Variants in MRPS6 observed in about 807,000 individuals in gnomAD.
MRPS6 encodes small ribosomal subunit protein bS6m.
Under a neutral mutation model 13.1 loss-of-function variants are expected in MRPS6, and 6 were observed. The ratio of observed to expected loss-of-function variants is 0.46; its 90% CI spans 0.25 to 0.91. MRPS6 has a LOEUF of 0.91. Among genes scored for constraint, MRPS6 ranks in the 40% least tolerant of loss-of-function variants. The pLI, the probability that MRPS6 is intolerant of heterozygous loss-of-function variation, is 0.18. For synonymous variants in MRPS6, 61 were observed against 56.5 expected (o/e 1.08, Z -0.36); for missense variants, 164 against 155.6 (o/e 1.05, Z -0.29).
At chr21:34,121,065 T>C (rs1226897587) in intron 1 of MRPS6, among the ~76,000 whole-genome samples, 8 of 152,192 alleles carry the variant, frequency 5.3e-5, no homozygotes, top group Admixed American at 1.3e-4. Context: ...AATACAGTCA[T>C]GTACAAGATA....
rs746747547 is a variant in MRPS6 at position 34,125,433 on chromosome 21, G to A, written c.138G>A (p.Ala46=). 9 of 1,613,980 alleles carry A rather than the reference G, an allele frequency of 5.6e-6. No homozygotes were observed. The highest frequency in any genetic ancestry group is 5.3e-5 in the African/African-American group (4 of 74,924). Residue 46 remains alanine, a synonymous_variant, in exon 2 of 3, where the codon GCG becomes GCA. Transcript: ENST00000399312. ...ACTTGGAAAACCTGGGTGAACGAGC[G>A]CTTCCTTATAGGATCTCTGCCCACA... ...VRDLENLGER[A]LPYRISAHSQ...
chr21:34,107,992 C>T (rs1230153978), intron 1 of MRPS6, among the ~76,000 whole-genome samples: 1 of 152,168 alleles, frequency 6.6e-6, no homozygotes, highest in Non-Finnish European at 1.5e-5. Context: ...CATACAGTCA[C>T]ATGTCTTATA....
intron 1 of MRPS6, chr21:34,104,765 A>G (rs978844850): frequency 1.1e-5 from 11 of 1,000,214 alleles, no homozygotes; most frequent in Non-Finnish European, 1.3e-5. Flanking sequence ...TGGCTTAGCA[A>G]CATGTGATAA....
chr21:34,082,996 C>A (rs574057192), intron 1 of MRPS6, among the ~76,000 whole-genome samples: 2 of 152,272 alleles, frequency 1.3e-5, no homozygotes, highest in Non-Finnish European at 2.9e-5. Context: ...GCAAAACTTT[C>A]TTTATTGGAG....
At chr21:34,128,997 C>T (rs7276927) in intron 2 of MRPS6, among the ~76,000 whole-genome samples, 10,975 of 152,116 alleles carry the variant, frequency 0.072, 1,330 homozygotes, top group African/African-American at 0.25. Flanking sequence ...TTCAGGTCCC[C>T]GAGATTACCT....
intron 1 of MRPS6, chr21:34,095,872 C>T (rs1978943354): frequency 6.2e-7 from 1 of 1,613,986 alleles, no homozygotes; most frequent in African/African-American, 1.3e-5. Context: ...CCCGATGTCA[C>T]TTCCATCTTA....
intron 2 of MRPS6, among the ~76,000 whole-genome samples, chr21:34,131,862 T>C (rs1468756174): frequency 6.6e-6 from 1 of 152,202 alleles, no homozygotes; most frequent in Admixed American, 6.5e-5. Flanking sequence ...ATGCAGCAGC[T>C]CGTACAGCCT....
At chr21:34,128,392 C>T (rs74391258) in intron 2 of MRPS6, among the ~76,000 whole-genome samples, 8 of 152,064 alleles carry the variant, frequency 5.3e-5, no homozygotes, top group African/African-American at 1.7e-4. Context: ...CGCCTTATCA[C>T]GTACATGCCC....
At chr21:34,105,845 A>G in intron 1 of MRPS6, 1 of 995,478 alleles carries the variant, frequency 1.0e-6, no homozygotes, top group Non-Finnish European at 1.2e-6. Flanking sequence ...TTATTTCTAT[A>G]TTGAAAGGAG....
chr21:34,129,578 G>A (rs977719695), intron 2 of MRPS6, among the ~76,000 whole-genome samples: 14 of 152,082 alleles, frequency 9.2e-5, no homozygotes, highest in African/African-American at 1.9e-4. Context: ...TTCTATTTAC[G>A]GGTAAGCAGA....
intron 1 of MRPS6, chr21:34,105,912 A>G (rs965105502): frequency 2.0e-6 from 2 of 986,146 alleles, no homozygotes; most frequent in African/African-American, 1.8e-5. Context: ...TAACTTGTCT[A>G]TTCTAACCTA....
intron 1 of MRPS6, 66 bp downstream of exon 1, chr21:34,073,811 C>G: frequency 1.6e-6 from 2 of 1,238,108 alleles, no homozygotes; most frequent in South Asian, 2.9e-5. Context: ...AGGCCGCCGT[C>G]CCCCGCGCGC....
At chr21:34,106,008 A>G (rs1979461373) in intron 1 of MRPS6, 5 of 994,776 alleles carry the variant, frequency 5.0e-6, no homozygotes, top group Non-Finnish European at 6.1e-6. Flanking sequence ...TTAAAAAATG[A>G]AAAAAGCATA....
chr21:34,098,526 T>G, intron 1 of MRPS6: 1 of 1,000,304 alleles, frequency 1.0e-6, no homozygotes, highest in Non-Finnish European at 1.2e-6. Context: ...TTGTAGTGAC[T>G]TAGAGCATAA....
chr21:34,119,956 A>G (rs2030205109), intron 1 of MRPS6, among the ~76,000 whole-genome samples: 1 of 152,214 alleles, frequency 6.6e-6, no homozygotes, highest in East Asian at 1.9e-4. Context: ...AACTTTTCCC[A>G]TTAGCATCTC....
At chr21:34,076,916 A>T (rs1989345039) in intron 1 of MRPS6, among the ~76,000 whole-genome samples, 1 of 152,244 alleles carries the variant, frequency 6.6e-6, no homozygotes, top group South Asian at 2.1e-4. Flanking sequence ...CAAAGGCTGT[A>T]ATGTGAAAGG....
In MRPS6 at chr21:34,141,770, A is replaced by G. The variant is rs1292287821; in HGVS notation, c.186-638A>G. 2.6e-5 allele frequency among the ~76,000 whole-genome samples: 4 copies of G among 152,176 alleles called. No homozygotes were observed. In the South Asian group the frequency reaches 8.3e-4, roughly 31 times the overall value. On this transcript the variant is annotated intron_variant, in intron 2 of 2. Coordinates refer to ENST00000399312, the MANE Select transcript of MRPS6 (RefSeq NM_032476.4). ...CCAGCAGGCTGCTGAGGACCTTGTC[A>G]ATCTTTGAAGACCAGTGAGCCGTGC...
rs565907973 is a variant in MRPS6, at chr21:34,117,969, G to A, written c.46-7372G>A. On this transcript the variant is annotated intron_variant, in intron 1 of 2. Transcript: ENST00000399312. ...ATATATTAACTTAAGCAATTCTTAA[G>A]ATTCTACACTATAGCCTGACAATTA... Among the ~76,000 whole-genome samples the A allele has an allele frequency of 3.3e-5, 5 of 152,222 alleles. No individual in the cohort carries two copies. The East Asian group carries it at 9.6e-4, about 29-fold the overall frequency.
At chr21:34,078,539 A>G (rs1989386725) in intron 1 of MRPS6, among the ~76,000 whole-genome samples, 1 of 152,164 alleles carries the variant, frequency 6.6e-6, no homozygotes, top group Non-Finnish European at 1.5e-5. Flanking sequence ...GATTTTAAAA[A>G]TCTAGGTTAT....
Sources: gnomAD v4.1 joint callset for allele counts (sites outside exome capture counted in the v4.1 genomes callset) on GRCh38, gnomAD v4.1.1 for gene constraint, MANE v1.5 for transcripts, NCBI Gene and HGNC (gene_info 2026-07-23, HGNC 2026-07-21) for gene names.